WNT3A: variants seen among roughly 807,000 people sequenced by gnomAD.
WNT3A encodes Wnt family member 3A, also known as protein Wnt-3a.
In WNT3A, 17 loss-of-function variants were observed where a neutral mutation model predicts 37.0. The ratio of observed to expected loss-of-function variants is 0.46; its 90% CI spans 0.31 to 0.69. The LOEUF (loss-of-function observed/expected upper bound fraction) is 0.69, where lower values mean the gene tolerates loss of function less well. Ranked by LOEUF, WNT3A falls within the 30% of genes least tolerant of loss-of-function variation. The probability of loss-of-function intolerance (pLI) is 0.05; values close to 1 mark genes in which losing one functional copy is unlikely to be tolerated. For synonymous variants in WNT3A, 187 were observed against 211.0 expected, an observed-to-expected ratio of 0.89 and a Z score of 0.99; for missense variants, 411 against 510.2, an observed-to-expected ratio of 0.81 and a Z score of 1.87.
At chr1:228,022,176 G>GGCTTAAA (rs2030723809) in intron 1 of WNT3A, among the ~76,000 whole-genome samples, 3 of 152,222 alleles carry the variant, frequency 2.0e-5, no homozygotes, top group African/African-American at 7.2e-5. Flanking sequence ...ACAGGCTTAA[G>GGCTTAAA]AGCTGGGCAA....
chr1:228,046,810 G>C (rs995160773), intron 2 of WNT3A, among the ~76,000 whole-genome samples: 2 of 151,450 alleles, frequency 1.3e-5, no homozygotes, highest in Admixed American at 6.6e-5. Context: ...CATGTGTGTG[G>C]TGTGCATGCC....
intron 2 of WNT3A, among the ~76,000 whole-genome samples, chr1:228,048,778 C>G (rs554908211): frequency 1.3e-5 from 2 of 152,114 alleles, no homozygotes; most frequent in African/African-American, 4.8e-5. Flanking sequence ...TCCTCATGCC[C>G]TTGCAGAAGT....
chr1:228,033,808 G>A (rs1021516718), intron 2 of WNT3A, among the ~76,000 whole-genome samples: 2 of 152,062 alleles, frequency 1.3e-5, no homozygotes, highest in Admixed American at 6.5e-5. Context: ...TTCCTATTTA[G>A]GTCTTTAATT....
At position 228,031,407 on chromosome 1, in the gene WNT3A, G is replaced by A. The variant is rs919186347; in HGVS notation, c.313+8499G>A. Among the ~76,000 whole-genome samples the A allele has an allele frequency of 1.3e-5, 2 of 152,176 alleles. No individual in the cohort carries two copies. Among genetic ancestry groups the A allele is most frequent in the African/African-American group, 2.4e-5 (1 of 41,440 alleles). The stretch of plus-strand genomic sequence containing the variant: ...GCTGCTGGCTGGGGTAATACACCAC[G>A]CAGCTCCCCTGGAGATAGCTGCCAG... On this transcript the variant is annotated intron_variant, in intron 2 of 3. Transcript: ENST00000284523. This position sits in a 1 kb window ranked among gnomAD's most constrained non-coding sequence, Gnocchi z 4.8.
intron 2 of WNT3A, among the ~76,000 whole-genome samples, chr1:228,032,315 G>T (rs1200126273): frequency 1.3e-5 from 2 of 152,224 alleles, no homozygotes; most frequent in Non-Finnish European, 1.5e-5. Flanking sequence ...ATTGGACGAT[G>T]CCCATGGAAA....
chr1:228,023,838 A>T (rs190264071), intron 2 of WNT3A, among the ~76,000 whole-genome samples: 1 of 152,332 alleles, frequency 6.6e-6, no homozygotes. Context: ...TCTCCCTTCC[A>T]TAGCCCCTGG....
chr1:228,049,063 C>G (rs2031487502), intron 2 of WNT3A, among the ~76,000 whole-genome samples: 1 of 152,236 alleles, frequency 6.6e-6, no homozygotes, highest in Admixed American at 6.5e-5. Flanking sequence ...GCGGCAGACA[C>G]CCTGCAGCCT....
chr1:228,038,166 C>T lies in WNT3A; in HGVS notation c.314-12490C>T, dbSNP rs957414728. Among the ~76,000 whole-genome samples, 2 of 152,022 alleles carry T rather than the reference C, an allele frequency of 1.3e-5. No individual in the cohort carries two copies. Among genetic ancestry groups the T allele is most frequent in the South Asian group, 4.1e-4 (2 of 4,830 alleles). ...TGGCTCCGGGGCCTTTTGTGCAGGC[C>T]ATGATTACCAAATGCCACCGCGACA... On this transcript the variant is annotated intron_variant, in intron 2 of 3. Coordinates refer to ENST00000284523, the MANE Select transcript of WNT3A (RefSeq NM_033131.4). This position sits in a 1 kb window ranked among gnomAD's most constrained non-coding sequence, Gnocchi z 5.7.
chr1:228,060,298 T>A lies in WNT3A; in HGVS notation c.*833T>A. The A allele has an allele frequency of 7.4e-7, 1 of 1,351,290 alleles. No homozygotes were observed. The allele number at this position is 1,351,290 out of a possible 1,614,324, so 83.7% of individuals were successfully genotyped here. A position where few individuals can be genotyped will look rare whatever the true frequency, so the allele number is the denominator to read the frequency against. Reference sequence around the variant, plus strand: ...CACCCCTGCGTCGAGCTGGGAAGGTTCCATGAAGCGAGTCGGGTCCCCAAC... The same window carrying A: ...CACCCCTGCGTCGAGCTGGGAAGGTACCATGAAGCGAGTCGGGTCCCCAAC... On this transcript the variant is annotated 3_prime_UTR_variant, in exon 4 of 4. Transcript: ENST00000284523.
rs779729203 is a variant in WNT3A, at chr1:228,050,869, G to A, written c.527G>A (p.Arg176Gln). ...SREFADAREN[R>Q]PDARSAMNRH... The stretch of plus-strand genomic sequence containing the variant: ...GAGTTCGCCGACGCCCGGGAGAACC[G>A]GCCAGATGCCCGCTCAGCCATGAAC... The change falls in exon 3 of 4, where the codon CGG becomes CAG. Residue 176 changes from arginine to glutamine, a missense_variant. Arg to Gln is a conservative substitution (Grantham distance 43). Coordinates refer to ENST00000284523, the MANE Select transcript of WNT3A (RefSeq NM_033131.4). This position sits in a 1 kb window ranked among gnomAD's most constrained non-coding sequence, Gnocchi z 5.0. 24 of 1,586,126 alleles carry A rather than the reference G, an allele frequency of 1.5e-5. No homozygotes were observed. The highest frequency in any genetic ancestry group is 1.7e-5 in the Non-Finnish European group (20 of 1,163,506).
chr1:228,014,218 G>A (rs1327546417), intron 1 of WNT3A, among the ~76,000 whole-genome samples: 1 of 152,196 alleles, frequency 6.6e-6, no homozygotes, highest in Non-Finnish European at 1.5e-5. Flanking sequence ...TCCTCTCTCA[G>A]AGCTTCAGGT....
chr1:228,011,591 T>C (rs1223204377), intron 1 of WNT3A, among the ~76,000 whole-genome samples: 2 of 152,208 alleles, frequency 1.3e-5, no homozygotes, highest in Non-Finnish European at 2.9e-5. Flanking sequence ...TGTCTGTCTC[T>C]CTCTTTCAGT....
chr1:228,039,254 A>G lies in WNT3A; in HGVS notation c.314-11402A>G, dbSNP rs1395603322. Among the ~76,000 whole-genome samples the G allele has an allele frequency of 6.6e-6, 1 of 152,166 alleles. No homozygotes were observed. Among genetic ancestry groups the G allele is most frequent in the Non-Finnish European group, 1.5e-5 (1 of 68,014 alleles). ...AAGGCGGCATCCCAAGCTCCTAGGA[A>G]AGGAGGTGTCAGCTGCCCCAGGATG... is the stretch of plus-strand genomic sequence containing the variant. On this transcript the variant is annotated intron_variant, in intron 2 of 3. Transcript: ENST00000284523. This position sits in a 1 kb window ranked among gnomAD's most constrained non-coding sequence, Gnocchi z 4.1.
chr1:228,037,454 C>G lies in WNT3A; in HGVS notation c.314-13202C>G, dbSNP rs1456551760. ...CTTCCCCAGGCAGGAGACAGCCCAG[C>G]CTCCTCTCCTCCCCGCTGAGCCCCC... On this transcript the variant is annotated intron_variant, in intron 2 of 3. Transcript: ENST00000284523. The surrounding 1 kb of genome is among the most constrained non-coding windows in gnomAD (Gnocchi z 4.1). 6.6e-6 allele frequency among the ~76,000 whole-genome samples: 1 copy of G among 152,110 alleles called. No individual in the cohort carries two copies. Among genetic ancestry groups the G allele is most frequent in the East Asian group, 1.9e-4 (1 of 5,164 alleles).
intron 1 of WNT3A, among the ~76,000 whole-genome samples, chr1:228,010,186 C>A (rs1296620241): frequency 1.3e-5 from 2 of 152,242 alleles, no homozygotes; most frequent in Non-Finnish European, 2.9e-5. Flanking sequence ...GCAAGGAGAC[C>A]ATGGCTCCAT....
At chr1:228,027,550 GT>G (rs1246403051) in intron 2 of WNT3A, among the ~76,000 whole-genome samples, 1 of 152,058 alleles carries the variant, frequency 6.6e-6, no homozygotes, top group Non-Finnish European at 1.5e-5. Flanking sequence ...TTTTACCTAT[GT>G]TTTTTGGCCA....
At chr1:228,013,114 T>C (rs767010667) in intron 1 of WNT3A, among the ~76,000 whole-genome samples, 1 of 152,176 alleles carries the variant, frequency 6.6e-6, no homozygotes, top group Non-Finnish European at 1.5e-5. Context: ...GAAGAAACCA[T>C]GTGGCCCAGG....
chr1:228,055,565 A>G (rs1297740661), intron 3 of WNT3A, among the ~76,000 whole-genome samples: 1 of 152,110 alleles, frequency 6.6e-6, no homozygotes, highest in African/African-American at 2.4e-5. Context: ...ATGGATACTC[A>G]TGAGAATACA....
Position 228,007,241 on chromosome 1 carries a change from G to A in WNT3A, c.71+42G>A. The A allele has an allele frequency of 6.4e-7, 1 of 1,569,002 alleles. No homozygotes were observed. Among genetic ancestry groups the A allele is most frequent in the African/African-American group, 1.4e-5 (1 of 72,360 alleles). Reference sequence around the variant, plus strand: ...GCGTTCGCCCCTGCCCCTGTGCGCCGCGCCCGCAGCAGACGGTCCCCTCGG... The same window carrying A: ...GCGTTCGCCCCTGCCCCTGTGCGCCACGCCCGCAGCAGACGGTCCCCTCGG... On this transcript the variant is annotated intron_variant, in intron 1 of 3. Transcript: ENST00000284523. The surrounding 1 kb of genome is among the most constrained non-coding windows in gnomAD (Gnocchi z 6.0).
Sources: gnomAD v4.1 joint callset for allele counts (sites outside exome capture counted in the v4.1 genomes callset) on GRCh38, gnomAD v4.1.1 for gene constraint, Gnocchi (gnomAD v3.1) non-coding constraint, MANE v1.5 for transcripts, NCBI Gene and HGNC (gene_info 2026-07-23, HGNC 2026-07-21) for gene names.